CCDC14: variants seen among roughly 807,000 people sequenced by gnomAD.
CCDC14 encodes the protein coiled-coil domain containing 14.
A neutral mutation model predicts 81.4 loss-of-function variants in CCDC14; 71 were observed. That is an observed-to-expected ratio of 0.87 (90% confidence interval 0.72 to 1.06). CCDC14 has a LOEUF of 1.06. Among genes scored for constraint, CCDC14 ranks in the 50% least tolerant of loss-of-function variants. The probability of loss-of-function intolerance (pLI) is 0.00; values close to 1 mark genes in which losing one functional copy is unlikely to be tolerated. For synonymous variants in CCDC14, 332 were observed against 364.8 expected (o/e 0.91, Z 1.03); for missense variants, 1,046 against 1,047.3 (o/e 1.00, Z 0.02).
At chr3:123,954,911 T>C (rs1244884965) in intron 5 of CCDC14, 1 of 152,148 alleles carries the variant, frequency 6.6e-6, no homozygotes, top group Non-Finnish European at 1.5e-5. Context: ...GGCTACCATC[T>C]TGAATAGCAC....
chr3:123,942,307 T>G (rs758109292), intron 9 of CCDC14, among the ~76,000 whole-genome samples: 1 of 152,030 alleles, frequency 6.6e-6, no homozygotes, highest in Non-Finnish European at 1.5e-5. Flanking sequence ...AGGACAATAG[T>G]CTGGCATATA....
chr3:123,947,038 C>G lies in CCDC14; in HGVS notation c.966G>C (p.Gln322His), dbSNP rs975062568. ...SHGKETHLDS[Q>H]THRSPTQSQP... ...GTGACTGAGTAGGGCTTCGGTGTGT[C>G]TGACTGTCCAGATGCGTTTCTTTTC... Residue 322 changes from glutamine (Q) to histidine (H), a missense_variant, in exon 8 of 13, where the codon CAG becomes CAC. By Grantham distance (24) the Gln-to-His change is conservative. Coordinates refer to ENST00000409697, the MANE Select transcript of CCDC14 (RefSeq NM_001366335.1). 1 of 1,613,846 alleles carries G rather than the reference C, an allele frequency of 6.2e-7. No homozygotes were observed. Among genetic ancestry groups the G allele is most frequent in the African/African-American group, 1.3e-5 (1 of 74,904 alleles).
At chr3:123,931,561 C>A (rs753836052) in intron 10 of CCDC14, 35 bp from the exon 11 acceptor site, 2 of 1,215,454 alleles carry the variant, frequency 1.6e-6, no homozygotes, top group African/African-American at 3.2e-5. Flanking sequence ...AGTTGTTTCC[C>A]AAACCTAAAA....
At chr3:123,909,837 G>A (rs77391974), downstream of CCDC14, among the ~76,000 whole-genome samples, 92 of 152,320 alleles carry the variant, frequency 6.0e-4, 2 homozygotes, top group South Asian at 0.011. Flanking sequence ...CAGTGGTCAT[G>A]AGACTGAGCT....
At chr3:123,905,381 G>T (rs1029876062) in intron 5 of CCDC14, among the ~76,000 whole-genome samples, 1 of 152,134 alleles carries the variant, frequency 6.6e-6, no homozygotes, top group Admixed American at 6.5e-5. Flanking sequence ...ACTTCTGGGG[G>T]GCAGAAGAGC....
downstream of CCDC14, among the ~76,000 whole-genome samples, chr3:123,896,992 C>CA (rs1485624984): frequency 6.6e-6 from 1 of 152,070 alleles, no homozygotes; most frequent in African/African-American, 2.4e-5. Flanking sequence ...ATCAGCACCC[C>CA]AAAATTCTAT....
In CCDC14 at chr3:123,914,999, TG is replaced by T; in HGVS notation, c.2497del (p.His833MetfsTer13). The T allele has an allele frequency of 1.2e-6, 2 of 1,614,044 alleles. No homozygotes were observed. Among genetic ancestry groups the T allele is most frequent in the Non-Finnish European group, 1.7e-6 (2 of 1,179,886 alleles). ...GTTGCTAAGACAACCTGATGGGCCATGACATGCAGTTTGTTCCTCTGGCTCC... is the reference window on the plus strand; with the variant it reads ...GTTGCTAAGACAACCTGATGGGCCATACATGCAGTTTGTTCCTCTGGCTCC... Reference protein sequence around the residue: ...TKEPEEQTACHGPSGCLSNSL... With the variant: ...TKEPEEQTACXGPSGCLSNSL... On this transcript the variant is annotated frameshift_variant, in exon 13 of 13. Coordinates refer to ENST00000409697, the MANE Select transcript of CCDC14 (RefSeq NM_001366335.1). LOFTEE classifies it high-confidence loss of function.
chr3:123,907,636 T>C (rs189974948), intron 5 of CCDC14, among the ~76,000 whole-genome samples: 211 of 152,040 alleles, frequency 1.4e-3, no homozygotes, highest in African/African-American at 4.1e-3. Flanking sequence ...ACCCAGGAGT[T>C]TGAGGTTACA....
At chr3:123,890,387 T>C in the CCDC14 span, among the ~76,000 whole-genome samples, 1 of 152,212 alleles carries the variant, frequency 6.6e-6, no homozygotes, top group Admixed American at 6.5e-5. Flanking sequence ...CAAAGTCTCA[T>C]CTGAGACAAG....
intron 8 of CCDC14, 115 bp from the exon 9 acceptor site, chr3:123,945,105 C>A: frequency 1.9e-6 from 1 of 531,286 alleles, no homozygotes; most frequent in Non-Finnish European, 3.0e-6. Flanking sequence ...GTTATAAATT[C>A]AACTCAATTA....
intron 5 of CCDC14, among the ~76,000 whole-genome samples, chr3:123,906,728 A>G (rs1224475876): frequency 6.6e-6 from 1 of 152,244 alleles, no homozygotes; most frequent in East Asian, 1.9e-4. Flanking sequence ...GATCTGCTCC[A>G]TGACACATTT....
At position 123,915,521 on chromosome 3, in the gene CCDC14, T is replaced by C. The variant is rs2034624843; in HGVS notation, c.1976A>G (p.Glu659Gly). 1 of 1,613,900 alleles carries C rather than the reference T, an allele frequency of 6.2e-7. No individual in the cohort carries two copies. The highest frequency in any genetic ancestry group is 1.3e-5 in the African/African-American group (1 of 74,938). ...LETNYSFTHS[E>G]PLSTIKNEET... is the part of the protein sequence containing the mutation. ...CTCATTTTTAATTGTAGAAAGTGGC[T>C]CTGAATGTGTAAAACTGTAATTTGT... The change falls in exon 13 of 13, where the codon GAG becomes GGG. Residue 659 changes from glutamate to glycine, a missense_variant. Physicochemically the swap from Glu to Gly is moderately conservative, Grantham distance 98 (BLOSUM62 -2). Transcript: ENST00000409697.
chr3:123,909,416 A>G (rs992559591), downstream of CCDC14, among the ~76,000 whole-genome samples: 2 of 152,156 alleles, frequency 1.3e-5, no homozygotes, highest in African/African-American at 4.8e-5. Context: ...GAAATGTCAG[A>G]GCTCACTTTG....
intron 9 of CCDC14, among the ~76,000 whole-genome samples, chr3:123,939,902 T>C (rs879370409): frequency 6.6e-6 from 1 of 151,838 alleles, no homozygotes; most frequent in African/African-American, 2.4e-5. Context: ...AGAGTTCATG[T>C]TGGGGATGAA....
chr3:123,958,328 T>C (rs1428975437), intron 1 of CCDC14: 1 of 152,146 alleles, frequency 6.6e-6, no homozygotes, highest in Non-Finnish European at 1.5e-5. Flanking sequence ...ATGTCTGGCA[T>C]AACTGTAAGA....
chr3:123,957,825 C>T (rs2037414230), intron 1 of CCDC14: 1 of 151,966 alleles, frequency 6.6e-6, no homozygotes, highest in African/African-American at 2.4e-5. Context: ...TTTAAATAGA[C>T]ATGAGAAAGT....
intron 2 of CCDC14, 93 bp downstream of exon 2, chr3:123,956,643 GCCTA>G (rs1170200336): frequency 3.2e-6 from 3 of 934,638 alleles, no homozygotes; most frequent in Non-Finnish European, 3.3e-6. Context: ...GATGGTAGAG[GCCTA>G]CCTAATTTTC....
intron 12 of CCDC14, among the ~76,000 whole-genome samples, chr3:123,917,698 C>T (rs1445962811): frequency 2.7e-5 from 4 of 150,452 alleles, no homozygotes; most frequent in Non-Finnish European, 5.9e-5. Flanking sequence ...AAGAATAATA[C>T]CCACTGTTAG....
At chr3:123,927,755 A>C (rs1015624434) in intron 12 of CCDC14, among the ~76,000 whole-genome samples, 2 of 152,212 alleles carry the variant, frequency 1.3e-5, no homozygotes, top group African/African-American at 4.8e-5. Flanking sequence ...AGAATTAATG[A>C]ACTTTTTCAG....
Sources: gnomAD v4.1 joint callset for allele counts (sites outside exome capture counted in the v4.1 genomes callset) on GRCh38, gnomAD v4.1.1 for gene constraint, MANE v1.5 for transcripts, NCBI Gene and HGNC (gene_info 2026-07-23, HGNC 2026-07-21) for gene names.